The following CFAP299 variants were observed in gnomAD, a reference collection of about 807,000 sequenced individuals.
The protein encoded by CFAP299 is cilia- and flagella-associated protein 299.
A neutral mutation model predicts 27.0 loss-of-function variants in CFAP299; 21 were observed. The ratio of observed to expected loss-of-function variants is 0.78; its 90% CI spans 0.55 to 1.12. CFAP299 has a LOEUF of 1.12. Among genes scored for constraint, CFAP299 ranks in the 50% most tolerant of loss-of-function variants. The pLI, the probability that CFAP299 is intolerant of heterozygous loss-of-function variation, is 0.00. For synonymous variants in CFAP299, 104 were observed against 98.1 expected, an observed-to-expected ratio of 1.06 and a Z score of -0.36; for missense variants, 310 against 276.6, an observed-to-expected ratio of 1.12 and a Z score of -0.86.
chr4:80,682,037 G>C (rs1270379378), intron 3 of CFAP299, among the ~76,000 whole-genome samples: 1 of 152,098 alleles, frequency 6.6e-6, no homozygotes, highest in African/African-American at 2.4e-5. Flanking sequence ...GGAGCAATAG[G>C]CTTAATGAAT....
At chr4:80,449,802 A>C (rs933891032) in intron 2 of CFAP299, among the ~76,000 whole-genome samples, 1 of 151,884 alleles carries the variant, frequency 6.6e-6, no homozygotes, top group Admixed American at 6.6e-5. Flanking sequence ...AGAAAGGTCC[A>C]TAATCTCCTT....
chr4:80,872,969 T>C (rs1049985449), intron 4 of CFAP299: 3 of 977,058 alleles, frequency 3.1e-6, no homozygotes, highest in African/African-American at 1.8e-5. Flanking sequence ...GAAGTTCTGA[T>C]AGTCATCTTA....
At chr4:80,548,801 G>T (rs1044605581) in intron 2 of CFAP299, among the ~76,000 whole-genome samples, 6 of 152,010 alleles carry the variant, frequency 3.9e-5, no homozygotes, top group Non-Finnish European at 7.4e-5. Flanking sequence ...TGTATTGTCA[G>T]GTTCTATAAT....
intron 3 of CFAP299, among the ~76,000 whole-genome samples, chr4:80,723,850 C>T (rs80190062): frequency 0.15 from 23,074 of 151,732 alleles, 2,227 homozygotes; most frequent in African/African-American, 0.27. Flanking sequence ...ATGAGGTAGA[C>T]AATAGAAACA....
intron 2 of CFAP299, among the ~76,000 whole-genome samples, chr4:80,390,621 A>G (rs1316305020): frequency 1.4e-5 from 2 of 146,286 alleles, no homozygotes; most frequent in Non-Finnish European, 1.5e-5. Flanking sequence ...ATATGTATAT[A>G]TGTATATATG....
chr4:80,524,359 T>G (rs141852976), intron 2 of CFAP299, among the ~76,000 whole-genome samples: 3 of 152,188 alleles, frequency 2.0e-5, no homozygotes, highest in Middle Eastern at 6.8e-3. Flanking sequence ...CTCAGCACTA[T>G]TGACAGTTTG....
intron 3 of CFAP299, among the ~76,000 whole-genome samples, chr4:80,714,952 A>G (rs554825805): frequency 1.3e-5 from 2 of 152,090 alleles, no homozygotes; most frequent in African/African-American, 2.4e-5. Context: ...ACAATTTCTT[A>G]TAATTGCATT....
intron 4 of CFAP299, among the ~76,000 whole-genome samples, chr4:80,919,449 A>C (rs1735930542): frequency 6.6e-6 from 1 of 152,174 alleles, no homozygotes; most frequent in Admixed American, 6.6e-5. Flanking sequence ...TCAAGTGTAT[A>C]GAATTTTCTA....
chr4:80,387,033 C>T, intron 2 of CFAP299: 1 of 1,347,778 alleles, frequency 7.4e-7, no homozygotes, highest in Non-Finnish European at 1.1e-6. Context: ...GTAGCGTTCA[C>T]AAGGAAACAC....
intron 3 of CFAP299, among the ~76,000 whole-genome samples, chr4:80,768,909 T>G (rs543731351): frequency 1.3e-5 from 2 of 152,164 alleles, no homozygotes; most frequent in East Asian, 3.9e-4. Flanking sequence ...CAATAATTAA[T>G]AGCATATGCT....
At chr4:80,640,127 T>C (rs1273586336) in intron 3 of CFAP299, among the ~76,000 whole-genome samples, 1 of 152,218 alleles carries the variant, frequency 6.6e-6, no homozygotes, top group Non-Finnish European at 1.5e-5. Flanking sequence ...GTTATATGTA[T>C]TTTACCACAA....
chr4:80,870,869 C>T (rs924236412), intron 4 of CFAP299: 2 of 985,046 alleles, frequency 2.0e-6, no homozygotes, highest in African/African-American at 1.7e-5. Flanking sequence ...TCCACCCTTA[C>T]TGATATTATC....
chr4:80,440,704 T>A (rs539144078), intron 2 of CFAP299, among the ~76,000 whole-genome samples: 13 of 152,244 alleles, frequency 8.5e-5, no homozygotes, highest in Middle Eastern at 6.8e-3. Flanking sequence ...GGACAAAGAA[T>A]GAATTTGATG....
At chr4:80,897,089 T>C (rs1734643485) in intron 4 of CFAP299, among the ~76,000 whole-genome samples, 1 of 152,272 alleles carries the variant, frequency 6.6e-6, no homozygotes, top group South Asian at 2.1e-4. Flanking sequence ...TTAGGAACAG[T>C]GAGAAGCTGC....
intron 4 of CFAP299, among the ~76,000 whole-genome samples, chr4:80,905,792 C>A (rs1428722353): frequency 6.6e-6 from 1 of 152,154 alleles, no homozygotes; most frequent in Non-Finnish European, 1.5e-5. Flanking sequence ...ATGGGGATAA[C>A]TGCCCCCATG....
chr4:80,456,921 G>A (rs1379573133), intron 2 of CFAP299, among the ~76,000 whole-genome samples: 3 of 152,018 alleles, frequency 2.0e-5, no homozygotes, highest in South Asian at 2.1e-4. Context: ...CAAAGGCTAC[G>A]GTGTTGTGGA....
chr4:80,570,405 T>G (rs1227463473), intron 2 of CFAP299, among the ~76,000 whole-genome samples: 1 of 151,916 alleles, frequency 6.6e-6, no homozygotes, highest in Non-Finnish European at 1.5e-5. Context: ...CTAGAATATA[T>G]GAAACACTCC....
At chr4:80,864,171 TAAA>T (rs2110161876) in intron 3 of CFAP299, among the ~76,000 whole-genome samples, 1 of 152,104 alleles carries the variant, frequency 6.6e-6, no homozygotes, top group South Asian at 2.1e-4. Context: ...AAACTATACT[TAAA>T]TAAAGCTTTT....
chr4:80,412,255 CT>C (rs1726756670), intron 2 of CFAP299, among the ~76,000 whole-genome samples: 1 of 142,074 alleles, frequency 7.0e-6, no homozygotes, highest in Admixed American at 7.5e-5. Flanking sequence ...GATCAATAGT[CT>C]GAATCCACAT....
Sources: allele counts gnomAD v4.1 joint callset (sites outside exome capture counted in the v4.1 genomes callset), GRCh38; gene constraint gnomAD v4.1.1; transcripts MANE v1.5; gene names NCBI Gene and HGNC (gene_info 2026-07-23, HGNC 2026-07-21).